The following NUP98 variants were observed in gnomAD, a reference collection of about 807,000 sequenced individuals.
NUP98 encodes the protein nucleoporin 98 and 96 precursor.
A neutral mutation model predicts 191.9 loss-of-function variants in NUP98; 26 were observed. The observed-to-expected ratio is 0.14, with a 90% CI of 0.10 to 0.19. NUP98 has a LOEUF of 0.19. Among genes scored for constraint, NUP98 ranks in the 10% least tolerant of loss-of-function variants. The pLI is 1.00. For synonymous variants in NUP98, 808 were observed against 778.4 expected, an observed-to-expected ratio of 1.04 and a Z score of -0.63; for missense variants, 1,941 against 2,178.8, an observed-to-expected ratio of 0.89 and a Z score of 2.17.
At chr11:3,758,164 A>G (rs2134482690) in intron 10 of NUP98, among the ~76,000 whole-genome samples, 1 of 151,530 alleles carries the variant, frequency 6.6e-6, no homozygotes, top group Admixed American at 6.6e-5. Context: ...AAAAATACAA[A>G]GAAAAAATTA....
chr11:3,699,451 A>G, intron 24 of NUP98, 103 bp from the exon 25 acceptor site: 1 of 1,264,322 alleles, frequency 7.9e-7, no homozygotes, highest in Non-Finnish European at 1.1e-6. Flanking sequence ...AAATTAATAG[A>G]CATCTCAAAC....
At chr11:3,792,588 G>A (rs981019496) in intron 1 of NUP98, among the ~76,000 whole-genome samples, 2 of 152,076 alleles carry the variant, frequency 1.3e-5, no homozygotes, top group Non-Finnish European at 2.9e-5. Context: ...TCCAGCCTGG[G>A]TGACAAAGCA....
chr11:3,697,466 A>AG (rs1303149304), intron 25 of NUP98, among the ~76,000 whole-genome samples: 1 of 152,134 alleles, frequency 6.6e-6, no homozygotes, highest in African/African-American at 2.4e-5. Context: ...GGTTTGAATA[A>AG]GGATCTGATC....
At position 3,731,548 on chromosome 11, in the gene NUP98, T is replaced by G. The variant is rs1464753866; in HGVS notation, c.1573A>C (p.Lys525Gln). The G allele has an allele frequency of 1.3e-6, 2 of 1,578,154 alleles. No homozygotes were observed. The highest frequency in any genetic ancestry group is 1.7e-6 in the Non-Finnish European group (2 of 1,163,950). Residue 525 changes from lysine (K) to glutamine (Q), a missense_variant, in exon 14 of 33, where the codon AAG (lysine) becomes CAG (glutamine). Around this residue, in one of 6 missense-constraint regions of NUP98, gnomAD observed 453 missense variants for 438.2 expected, o/e 1.03. Transcript: ENST00000324932. ...TAATGAGTAGGTGTAGTAAGAGCCTTCTGGGCTGCTGGATTTGTTGGTTTC... is the reference window on the plus strand; with the variant it reads ...TAATGAGTAGGTGTAGTAAGAGCCTGCTGGGCTGCTGGATTTGTTGGTTTC... The part of the protein sequence containing the change: ...RLKPTNPAAQ[K>Q]ALTTPTHYKL...
At chr11:3,756,338 C>A (rs1423261627) in intron 10 of NUP98, among the ~76,000 whole-genome samples, 1 of 152,064 alleles carries the variant, frequency 6.6e-6, no homozygotes, top group Admixed American at 6.6e-5. Context: ...TTCAATTTTA[C>A]AAATTACAAT....
chr11:3,786,231 G>C (rs542425530), intron 1 of NUP98, among the ~76,000 whole-genome samples: 1 of 152,306 alleles, frequency 6.6e-6, no homozygotes, highest in Non-Finnish European at 1.5e-5. Context: ...AAATGACCTT[G>C]CATTCACTAT....
chr11:3,707,697 C>T (rs1023644873), intron 20 of NUP98, among the ~76,000 whole-genome samples: 4 of 126,414 alleles, frequency 3.2e-5, no homozygotes, highest in South Asian at 2.5e-4. Flanking sequence ...CAAGACTGGG[C>T]CACTGCATTC....
At chr11:3,729,715 CAA>C (rs755816362) in intron 14 of NUP98, among the ~76,000 whole-genome samples, 7,427 of 36,484 alleles carry the variant, frequency 0.2, 181 homozygotes, top group East Asian at 0.28. Flanking sequence ...ACTCTTGCCT[CAA>C]AAAAAAAAAA....
At chr11:3,772,246 TAAAATA>T (rs1302436182) in intron 6 of NUP98, among the ~76,000 whole-genome samples, 3 of 152,008 alleles carry the variant, frequency 2.0e-5, no homozygotes, top group African/African-American at 7.2e-5. Context: ...AATATAAAAA[TAAAATA>T]AAAATAAAAA....
chr11:3,718,492 T>C (rs1433286430), intron 18 of NUP98, among the ~76,000 whole-genome samples: 1 of 151,686 alleles, frequency 6.6e-6, no homozygotes. Context: ...GCTGAGACTA[T>C]ACCACTGCAC....
chr11:3,712,482 A>G (rs1388317219), intron 20 of NUP98, 82 bp downstream of exon 20: 1 of 1,580,816 alleles, frequency 6.3e-7, no homozygotes. Context: ...GGGTCATAAA[A>G]CAGCTTTGTA....
intron 14 of NUP98, 91 bp from the exon 15 acceptor site, chr11:3,725,310 T>G: frequency 1.5e-6 from 1 of 657,636 alleles, no homozygotes; most frequent in Non-Finnish European, 2.7e-6. Context: ...AGTCCAATGG[T>G]GCACTTCTGC....
chr11:3,739,928 CTAA>C (rs2080217512), intron 12 of NUP98, among the ~76,000 whole-genome samples: 1 of 152,190 alleles, frequency 6.6e-6, no homozygotes, highest in South Asian at 2.1e-4. Context: ...TATGATTTTC[CTAA>C]TAATACATTC....
intron 1 of NUP98, among the ~76,000 whole-genome samples, chr11:3,791,143 C>G (rs112145076): frequency 0.01 from 1,527 of 152,164 alleles, 28 homozygotes; most frequent in African/African-American, 0.035. Flanking sequence ...GATCCGCCCC[C>G]CTCAGCCTCC....
intron 18 of NUP98, among the ~76,000 whole-genome samples, chr11:3,717,065 G>A (rs529191031): frequency 1.2e-4 from 19 of 152,250 alleles, no homozygotes; most frequent in African/African-American, 4.6e-4. Flanking sequence ...GTGCAGTGGT[G>A]TAATCTGCAA....
intron 14 of NUP98, among the ~76,000 whole-genome samples, chr11:3,730,839 C>G (rs2079818561): frequency 6.6e-6 from 1 of 152,020 alleles, no homozygotes; most frequent in African/African-American, 2.4e-5. Flanking sequence ...TATTCAAAAA[C>G]AAAACAAAAT....
chr11:3,714,566 T>A (rs2079116970), intron 18 of NUP98, among the ~76,000 whole-genome samples: 1 of 152,140 alleles, frequency 6.6e-6, no homozygotes, highest in Non-Finnish European at 1.5e-5. Flanking sequence ...TGCTCTCCAT[T>A]TCCTGCTTCC....
Position 3,691,472 on chromosome 11 carries a change from G to A in NUP98, c.4329C>T (p.Asp1443=), listed in dbSNP as rs761380024. 2 of 1,614,012 alleles carry A rather than the reference G, an allele frequency of 1.2e-6. No individual in the cohort carries two copies. The highest frequency in any genetic ancestry group is 2.7e-5 in the African/African-American group (2 of 74,906). ...AAGGAAGTGGGGAGCAGGCATATCTGTCACTGTCAGAGGTATTCTGAAGGA... is the reference window on the plus strand; with the variant it reads ...AAGGAAGTGGGGAGCAGGCATATCTATCACTGTCAGAGGTATTCTGAAGGA... ...EEAFQNTSDS[D]RYACSPLPSY... Residue 1443 remains aspartate (D), a synonymous_variant, in exon 28 of 33, where the codon GAC becomes GAT. Transcript: ENST00000324932.
At chr11:3,791,230 T>C (rs1413540019) in intron 1 of NUP98, among the ~76,000 whole-genome samples, 7 of 152,022 alleles carry the variant, frequency 4.6e-5, no homozygotes, top group South Asian at 4.1e-4. Flanking sequence ...TGACAAACTA[T>C]GGTTATTAAG....
Sources: allele counts gnomAD v4.1 joint callset (sites outside exome capture counted in the v4.1 genomes callset), GRCh38; gene constraint gnomAD v4.1.1; regional missense constraint gnomAD v4.1.1; transcripts MANE v1.5; gene names NCBI Gene and HGNC (gene_info 2026-07-23, HGNC 2026-07-21).